CPQ: variants seen among roughly 807,000 people sequenced by gnomAD.
The protein encoded by CPQ is carboxypeptidase Q.
Under a neutral mutation model 45.7 loss-of-function variants are expected in CPQ, and 37 were observed. The observed-to-expected ratio is 0.81, with a 90% CI of 0.62 to 1.07. The LOEUF (loss-of-function observed/expected upper bound fraction) is 1.07. CPQ is among the 50% of genes least tolerant of loss of function. The pLI is 0.00. For missense variants in CPQ, 537 were observed against 572.9 expected (o/e 0.94, Z 0.64); for synonymous variants, 186 against 205.8 (o/e 0.90, Z 0.82).
At chr8:96,823,109 A>G (rs578213971) in intron 2 of CPQ, among the ~76,000 whole-genome samples, 1 of 151,988 alleles carries the variant, frequency 6.6e-6, no homozygotes, top group Admixed American at 6.6e-5. Context: ...GGATAAAGAC[A>G]TGCCACCCCC....
intron 4 of CPQ, among the ~76,000 whole-genome samples, chr8:96,924,187 G>T (rs1379104913): frequency 6.6e-6 from 1 of 152,124 alleles, no homozygotes; most frequent in Non-Finnish European, 1.5e-5. Context: ...GGTGATGGTG[G>T]TGATTCCATA....
At chr8:96,839,839 A>G (rs1385132614) in intron 3 of CPQ, among the ~76,000 whole-genome samples, 2 of 152,220 alleles carry the variant, frequency 1.3e-5, no homozygotes, top group African/African-American at 4.8e-5. Context: ...CCAACTTTGT[A>G]CTATTCTAAA....
intron 3 of CPQ, among the ~76,000 whole-genome samples, chr8:96,872,494 T>A (rs1007016042): frequency 6.6e-6 from 1 of 151,978 alleles, no homozygotes; most frequent in Non-Finnish European, 1.5e-5. Flanking sequence ...ACAGTAATTT[T>A]AATTTAGATT....
chr8:97,034,587 A>G (rs1184211984), intron 6 of CPQ, among the ~76,000 whole-genome samples: 1 of 152,184 alleles, frequency 6.6e-6, no homozygotes, highest in Non-Finnish European at 1.5e-5. Context: ...AAATGCACAT[A>G]TCTTAAGTAC....
chr8:96,658,859 C>T (rs190624803), intron 1 of CPQ, among the ~76,000 whole-genome samples: 168 of 152,314 alleles, frequency 1.1e-3, no homozygotes, highest in African/African-American at 3.8e-3. Flanking sequence ...AGATTCTCTC[C>T]TAAAGCTTCC....
intron 6 of CPQ, among the ~76,000 whole-genome samples, chr8:97,030,188 C>T (rs981277436): frequency 1.3e-5 from 2 of 152,152 alleles, no homozygotes; most frequent in African/African-American, 4.8e-5. Context: ...AGAGGAACTC[C>T]AAAATCAACG....
At chr8:97,077,624 C>A (rs941469638) in intron 7 of CPQ, among the ~76,000 whole-genome samples, 1 of 152,126 alleles carries the variant, frequency 6.6e-6, no homozygotes, top group African/African-American at 2.4e-5. Flanking sequence ...GTAGTAAATG[C>A]TAAAATAAAC....
chr8:96,775,085 G>C (rs552539566), intron 1 of CPQ, among the ~76,000 whole-genome samples: 12 of 152,120 alleles, frequency 7.9e-5, no homozygotes, highest in Non-Finnish European at 1.8e-4. Context: ...CCACTTTCTT[G>C]TCAGGTGCTT....
Position 96,869,467 on chromosome 8 carries a change from C to A in CPQ, c.642-10331C>A, listed in dbSNP as rs73279806. On this transcript the variant is annotated intron_variant, in intron 3 of 7. Transcript: ENST00000220763. ...CACTGGGCATGGATGTAATATTGTT[C>A]AAAATAAATGCCAGTTGCTTGATAG... Among the ~76,000 whole-genome samples, 259 of 152,110 alleles carry A rather than the reference C, an allele frequency of 1.7e-3. 1 individual carries two copies. The highest frequency in any genetic ancestry group is 5.9e-3 in the African/African-American group (243 of 41,528).
At chr8:96,685,886 C>T (rs977414652) in intron 1 of CPQ, among the ~76,000 whole-genome samples, 1 of 152,000 alleles carries the variant, frequency 6.6e-6, no homozygotes, top group Non-Finnish European at 1.5e-5. Context: ...TTGTTTAATT[C>T]TTGTGGGTCC....
intron 2 of CPQ, among the ~76,000 whole-genome samples, chr8:96,789,599 G>GT (rs1810820353): frequency 6.6e-6 from 1 of 152,220 alleles, no homozygotes; most frequent in South Asian, 2.1e-4. Context: ...TAAGAAGTTT[G>GT]TTTTTTCCCC....
intron 1 of CPQ, among the ~76,000 whole-genome samples, chr8:96,756,282 CTT>C (rs1369019368): frequency 1.3e-5 from 2 of 151,890 alleles, no homozygotes; most frequent in East Asian, 1.9e-4. Flanking sequence ...TTTTTGGACT[CTT>C]GGTTATTTTT....
At chr8:96,707,847 C>T (rs947869725) in intron 1 of CPQ, among the ~76,000 whole-genome samples, 1 of 152,062 alleles carries the variant, frequency 6.6e-6, no homozygotes. Flanking sequence ...TTGCCCCTTC[C>T]AGCTTCTGAA....
chr8:96,771,860 C>G (rs767445463), intron 1 of CPQ, among the ~76,000 whole-genome samples: 1 of 152,046 alleles, frequency 6.6e-6, no homozygotes, highest in African/African-American at 2.4e-5. Flanking sequence ...TGTTCACTTA[C>G]TACTACATTT....
chr8:96,676,463 T>C (rs111447961), intron 1 of CPQ, among the ~76,000 whole-genome samples: 3,689 of 152,138 alleles, frequency 0.024, 165 homozygotes, highest in African/African-American at 0.084. Flanking sequence ...TTTCCATCCA[T>C]GTTGCTGCAA....
Position 96,738,065 on chromosome 8 carries a change from C to CT in CPQ, c.-34-46793dup, listed in dbSNP as rs774982921. 5.3e-5 allele frequency among the ~76,000 whole-genome samples: 8 copies of CT among 152,042 alleles called. No homozygotes were observed. In the East Asian group the frequency reaches 1.5e-3, roughly 29 times the overall value. ...GTTTTGCTGCTGATTGTTAATTTAA[C>CT]TTTTTTGTCAGATATTGCAATGTAT... is the stretch of plus-strand genomic sequence containing the variant. On this transcript the variant is annotated intron_variant, in intron 1 of 7. Transcript: ENST00000220763.
chr8:97,074,992 C>T (rs995352661), intron 7 of CPQ, among the ~76,000 whole-genome samples: 4 of 151,956 alleles, frequency 2.6e-5, no homozygotes, highest in Non-Finnish European at 4.4e-5. Context: ...GCGAAGATAC[C>T]GGAACGCTTT....
At chr8:96,757,908 G>A (rs1189967313) in intron 1 of CPQ, among the ~76,000 whole-genome samples, 1 of 151,978 alleles carries the variant, frequency 6.6e-6, no homozygotes, top group African/African-American at 2.4e-5. Flanking sequence ...AAAAATAATA[G>A]GTGAATTATT....
intron 1 of CPQ, among the ~76,000 whole-genome samples, chr8:96,741,001 G>A (rs942301581): frequency 6.6e-6 from 1 of 152,222 alleles, no homozygotes; most frequent in African/African-American, 2.4e-5. Context: ...AATGAGTTAG[G>A]AAGGATTCCC....
Sources: gnomAD v4.1 joint callset for allele counts (sites outside exome capture counted in the v4.1 genomes callset) on GRCh38, gnomAD v4.1.1 for gene constraint, MANE v1.5 for transcripts, NCBI Gene and HGNC (gene_info 2026-07-23, HGNC 2026-07-21) for gene names.